The following TMED5 variants were observed in gnomAD, a reference collection of about 807,000 sequenced individuals.
TMED5 encodes transmembrane p24 trafficking protein 5.
TMED5 carries 27 observed loss-of-function variants against 23.0 expected under a neutral mutation model. The ratio of observed to expected loss-of-function variants is 1.17; its 90% CI spans 0.86 to 1.62. The LOEUF is 1.62. Among genes scored for constraint, TMED5 ranks in the 40% most tolerant of loss-of-function variants. The pLI is 0.00. For synonymous variants in TMED5, 97 were observed against 100.8 expected (o/e 0.96, Z 0.23); for missense variants, 248 against 273.7 (o/e 0.91, Z 0.66).
At position 93,150,723 on chromosome 1, in the gene TMED5, C is replaced by G. The variant is rs1465718435; in HGVS notation, c.*3947G>C. On this transcript the variant is annotated 3_prime_UTR_variant, in exon 4 of 4. Coordinates refer to ENST00000370282, the MANE Select transcript of TMED5 (RefSeq NM_016040.5). Reference sequence around the variant, plus strand: ...AGAAAGGTTAGATTTAGTCCAGCCTCCCATTTCATATTAGCTGTAGTAACA... The same window carrying G: ...AGAAAGGTTAGATTTAGTCCAGCCTGCCATTTCATATTAGCTGTAGTAACA... 1 of 152,156 alleles carries G rather than the reference C, an allele frequency of 6.6e-6. No homozygotes were observed. Among genetic ancestry groups the G allele is most frequent in the Non-Finnish European group, 1.5e-5 (1 of 68,042 alleles). 9.4% of individuals were successfully genotyped at this position (152,156 alleles called of 1,614,324 possible).
In TMED5 at chr1:93,180,170, C is replaced by T. The variant is rs1274437986; in HGVS notation, c.73G>A (p.Ala25Thr). ...AALPPVLLPGAAGFTPSLDSD... is the reference protein window; with the variant it reads ...AALPPVLLPGTAGFTPSLDSD... ...TCGAGGGAAGGTGTGAAGCCGGCCG[C>T]CCCAGGCAGCAGCACCGGAGGCAGA... is the stretch of plus-strand genomic sequence containing the variant. The change falls in exon 1 of 4, where the codon GCG becomes ACG. Residue 25 changes from alanine (A) to threonine (T), a missense_variant. Physicochemically the swap from Ala to Thr is moderately conservative, Grantham distance 58 (BLOSUM62 0). Transcript: ENST00000370282. The T allele has an allele frequency of 1.9e-6, 3 of 1,613,322 alleles. No homozygotes were observed. The East Asian group carries it at 6.7e-5, about 36-fold the overall frequency.
In TMED5 at chr1:93,157,433, G is replaced by A. The variant is rs148067577; in HGVS notation, c.288-950C>T. 8.5e-3 allele frequency among the ~76,000 whole-genome samples: 1,293 copies of A among 152,240 alleles called. 10 individuals carry two copies. The highest frequency in any genetic ancestry group is 0.027 in the Middle Eastern group (8 of 294). Reference sequence around the variant, plus strand: ...GTTAAAATTAGTTTCCCATATTAGCGAAAGTTAAAAGCAGGGCCAGGTGCG... The same window carrying A: ...GTTAAAATTAGTTTCCCATATTAGCAAAAGTTAAAAGCAGGGCCAGGTGCG... On this transcript the variant is annotated intron_variant, in intron 2 of 3. Transcript: ENST00000370282.
intron 1 of TMED5, among the ~76,000 whole-genome samples, chr1:93,178,177 A>C (rs1363840196): frequency 6.6e-6 from 1 of 152,194 alleles, no homozygotes; most frequent in African/African-American, 2.4e-5. Flanking sequence ...GCTATGATTC[A>C]TGCTTAATGA....
intron 1 of TMED5, among the ~76,000 whole-genome samples, chr1:93,169,348 T>A (rs569417939): frequency 3.9e-5 from 6 of 152,138 alleles, no homozygotes; most frequent in African/African-American, 9.6e-5. Flanking sequence ...CAAGATAAAA[T>A]TTTTTTTAAC....
At chr1:93,170,514 C>G (rs1304278859) in intron 1 of TMED5, among the ~76,000 whole-genome samples, 2 of 152,228 alleles carry the variant, frequency 1.3e-5, no homozygotes, top group Non-Finnish European at 2.9e-5. Flanking sequence ...CCTCAGCCCC[C>G]CACTGTGGGC....
At chr1:93,155,756 GTACCTGC>G (rs973686696) in intron 3 of TMED5, among the ~76,000 whole-genome samples, 17 of 152,042 alleles carry the variant, frequency 1.1e-4, no homozygotes, top group African/African-American at 3.9e-4. Context: ...GGGATTACAG[GTACCTGC>G]TACCATGCCT....
chr1:93,171,597 C>A (rs1648736872), intron 1 of TMED5, among the ~76,000 whole-genome samples: 3 of 152,116 alleles, frequency 2.0e-5, no homozygotes. Context: ...GGACCAGGAC[C>A]AGACAGTTTC....
chr1:93,176,541 A>T (rs1254345639), intron 1 of TMED5, among the ~76,000 whole-genome samples: 3 of 151,968 alleles, frequency 2.0e-5, no homozygotes, highest in African/African-American at 7.3e-5. Flanking sequence ...ATATATATAT[A>T]TATTTTTTTG....
Position 93,160,129 on chromosome 1 carries a change from G to A in TMED5, c.287C>T (p.Thr96Ile), listed in dbSNP as rs778417471. The change falls in exon 2 of 4, where the codon ACT becomes ATT. Residue 96 changes from threonine (T) to isoleucine (I), a missense_variant and splice_region_variant. Coordinates refer to ENST00000370282, the MANE Select transcript of TMED5 (RefSeq NM_016040.5). ...FEQRKSDGVH[T>I]VETEVGDYMF... ...AACTCAACTAAAAGAGATTACTTACGTGTGAACTCCATCTGATTTTCTTTG... is the reference window on the plus strand; with the variant it reads ...AACTCAACTAAAAGAGATTACTTACATGTGAACTCCATCTGATTTTCTTTG... 3.1e-5 allele frequency: 49 copies of A among 1,599,794 alleles called. No individual in the cohort carries two copies. In the South Asian group the frequency reaches 3.3e-4, roughly 11 times the overall value.
intron 1 of TMED5, among the ~76,000 whole-genome samples, chr1:93,163,505 C>T (rs1274091796): frequency 2.6e-5 from 4 of 151,586 alleles, no homozygotes; most frequent in East Asian, 2.0e-4. Context: ...CCACCATGCC[C>T]GGCTATTTTT....
chr1:93,156,609 G>A, intron 2 of TMED5, 126 bp from the exon 3 acceptor site: 1 of 702,806 alleles, frequency 1.4e-6, no homozygotes, highest in Non-Finnish European at 2.4e-6. Flanking sequence ...CCAGCATTTT[G>A]AGAGGGCAAG....
Position 93,154,832 on chromosome 1 carries a change from C to T in TMED5, c.528G>A (p.Leu176=), listed in dbSNP as rs755075887. ...RLSKSGHIQT[L]LRAFEARDRN... ...GATCACGAGCTTCAAATGCTCTAAG[C>T]AGAGTTTGTATGTGCCCACTTTTGC... The change falls in exon 4 of 4, where the codon CTG becomes CTA. Residue 176 remains leucine (L), a synonymous_variant. Coordinates refer to ENST00000370282, the MANE Select transcript of TMED5 (RefSeq NM_016040.5). The T allele has an allele frequency of 6.2e-7, 1 of 1,614,038 alleles. No homozygotes were observed. Among genetic ancestry groups the T allele is most frequent in the East Asian group, 2.2e-5 (1 of 44,882 alleles).
chr1:93,152,510 T>C lies in TMED5; in HGVS notation c.*2160A>G, dbSNP rs1038423317. Reference sequence around the variant, plus strand: ...TTTACTTTGTCTATAAAAATAATTGTCCTTAGTATTCCTAAATTCTTTTCC... The same window carrying C: ...TTTACTTTGTCTATAAAAATAATTGCCCTTAGTATTCCTAAATTCTTTTCC... On this transcript the variant is annotated 3_prime_UTR_variant, in exon 4 of 4. Coordinates refer to ENST00000370282, the MANE Select transcript of TMED5 (RefSeq NM_016040.5). 6.6e-6 allele frequency: 1 copy of C among 152,552 alleles called. No individual in the cohort carries two copies. Among genetic ancestry groups the C allele is most frequent in the Admixed American group, 6.5e-5 (1 of 15,300 alleles). The allele number at this position is 152,552 out of a possible 1,614,324, so 9.4% of individuals were successfully genotyped here.
At chr1:93,159,821 C>T (rs1648206488) in intron 2 of TMED5, among the ~76,000 whole-genome samples, 1 of 152,168 alleles carries the variant, frequency 6.6e-6, no homozygotes, top group South Asian at 2.1e-4. Flanking sequence ...AAATAGAAAG[C>T]TTGTGCTGGC....
chr1:93,179,961 G>C, intron 1 of TMED5, 93 bp downstream of exon 1: 1 of 1,369,774 alleles, frequency 7.3e-7, no homozygotes, highest in Admixed American at 2.3e-5. Context: ...TTCACCACCA[G>C]GGCCGTCCAC....
intron 1 of TMED5, among the ~76,000 whole-genome samples, chr1:93,169,848 G>C (rs1648643230): frequency 6.6e-6 from 1 of 150,804 alleles, no homozygotes; most frequent in African/African-American, 2.4e-5. Flanking sequence ...AGGAGTTTGA[G>C]ACTAGCCTAG....
Position 93,180,074 on chromosome 1 carries a change from A to T in TMED5, c.169T>A (p.Ser57Thr), listed in dbSNP as rs763543721. The T allele has an allele frequency of 1.6e-5, 26 of 1,613,118 alleles. 1 individual carries two copies. The South Asian group carries it at 2.3e-4, about 14-fold the overall frequency. Residue 57 changes from serine (S) to threonine (T), a missense_variant, in exon 1 of 4, where the codon TCG (serine) becomes ACG (threonine). Physicochemically the swap from Ser to Thr is moderately conservative, Grantham distance 58. Coordinates refer to ENST00000370282, the MANE Select transcript of TMED5 (RefSeq NM_016040.5). ...CTTACTTGGTACTCGATCTCCAGCG[A>T]GGCCTTCAGGGGCATGGGCTGGTAG... Reference protein sequence around the residue: ...CFYQPMPLKASLEIEYQVLDG... With the variant: ...CFYQPMPLKATLEIEYQVLDG...
intron 1 of TMED5, among the ~76,000 whole-genome samples, chr1:93,175,202 A>ATATATATATATATATATATATATAG (rs1557579120): frequency 1.1e-5 from 1 of 93,750 alleles, no homozygotes; most frequent in African/African-American, 7.9e-5. Context: ...TATATATATA[A>ATATATATATATATATATATATATAG]ATGGACCTCA....
At position 93,152,187 on chromosome 1, in the gene TMED5, CAG is replaced by C. The variant is rs1364214047; in HGVS notation, c.*2481_*2482del. ...TAACATTAATCATCCAAATGCATAT[CAG>C]AGCAAACTCTAGGCCTTAGTGTGAG... On this transcript the variant is annotated 3_prime_UTR_variant, in exon 4 of 4. Transcript: ENST00000370282. 8 of 152,666 alleles carry C rather than the reference CAG, an allele frequency of 5.2e-5. No individual in the cohort carries two copies. The highest frequency in any genetic ancestry group is 1.2e-4 in the Non-Finnish European group (8 of 68,000). 9.5% of individuals were successfully genotyped at this position (152,666 alleles called of 1,614,324 possible).
Sources: allele counts gnomAD v4.1 joint callset (sites outside exome capture counted in the v4.1 genomes callset), GRCh38; gene constraint gnomAD v4.1.1; transcripts MANE v1.5; gene names NCBI Gene and HGNC (gene_info 2026-07-23, HGNC 2026-07-21).